Variants in TENM3 observed in about 807,000 individuals in gnomAD.
TENM3 encodes teneurin-3.
In TENM3, 63 loss-of-function variants were observed where a neutral mutation model predicts 255.1. That is an observed-to-expected ratio of 0.25 (90% CI 0.20 to 0.30). The LOEUF (loss-of-function observed/expected upper bound fraction) is 0.30. Among genes scored for constraint, TENM3 ranks in the 10% least tolerant of loss-of-function variants. TENM3 has a pLI of 1.00. For missense variants in TENM3, 2,929 were observed against 3,461.1 expected (o/e 0.85, Z 3.86); for synonymous variants, 1,306 against 1,322.3 (o/e 0.99, Z 0.27).
chr4:181,732,470 C>T, the TENM3 span, among the ~76,000 whole-genome samples: 3 of 151,930 alleles, frequency 2.0e-5, no homozygotes, highest in Admixed American at 6.6e-5. Context: ...AGAATAAAAA[C>T]GTAATGATTA....
chr4:182,397,111 A>G (rs1319251817), intron 3 of TENM3, among the ~76,000 whole-genome samples: 2 of 152,040 alleles, frequency 1.3e-5, no homozygotes, highest in Non-Finnish European at 2.9e-5. Flanking sequence ...TGAATTAGGA[A>G]CAGAAGAGTT....
chr4:181,600,330 T>G, the TENM3 span, among the ~76,000 whole-genome samples: 1 of 152,150 alleles, frequency 6.6e-6, no homozygotes, highest in South Asian at 2.1e-4. Flanking sequence ...AGCAAGAGGA[T>G]AAATGGAGGC....
chr4:182,100,802 TATATACACATATATATACAC>T, the TENM3 span, among the ~76,000 whole-genome samples: 8 of 26,960 alleles, frequency 3.0e-4, 3 homozygotes, highest in Non-Finnish European at 5.7e-4. Flanking sequence ...TATACACATA[TATATACACATATATATACAC>T]ATATATATAT....
chr4:182,628,084 G>C (rs1751001464), intron 4 of TENM3, among the ~76,000 whole-genome samples: 1 of 152,160 alleles, frequency 6.6e-6, no homozygotes, highest in Non-Finnish European at 1.5e-5. Flanking sequence ...GAACTGAGCA[G>C]CTGCCTGTAA....
the TENM3 span, among the ~76,000 whole-genome samples, chr4:181,468,858 C>T: frequency 6.6e-6 from 1 of 152,192 alleles, no homozygotes; most frequent in African/African-American, 2.4e-5. Context: ...CTCACAAATA[C>T]AGTTTCTGGA....
intron 1 of TENM3, among the ~76,000 whole-genome samples, chr4:182,317,360 C>T (rs1338694218): frequency 6.6e-6 from 1 of 152,058 alleles, no homozygotes; most frequent in Non-Finnish European, 1.5e-5. Flanking sequence ...AGTGCAGTGG[C>T]ACTGTCATGG....
At chr4:181,842,392 A>C in the TENM3 span, among the ~76,000 whole-genome samples, 1 of 152,116 alleles carries the variant, frequency 6.6e-6, no homozygotes, top group African/African-American at 2.4e-5. Context: ...CTGCCTGTTT[A>C]ATTCATTCTC....
At chr4:182,153,195 G>A (rs1262166964) in intron 1 of TENM3, among the ~76,000 whole-genome samples, 1 of 151,926 alleles carries the variant, frequency 6.6e-6, no homozygotes, top group Non-Finnish European at 1.5e-5. Flanking sequence ...GAAATTAGAT[G>A]ATCCGATAAT....
chr4:181,674,799 G>T, the TENM3 span, among the ~76,000 whole-genome samples: 1 of 152,100 alleles, frequency 6.6e-6, no homozygotes, highest in African/African-American at 2.4e-5. Context: ...AAAATGTCTT[G>T]CTTTTTTTAA....
chr4:181,882,285 G>C, the TENM3 span, among the ~76,000 whole-genome samples: 15 of 152,158 alleles, frequency 9.9e-5, no homozygotes, highest in African/African-American at 3.6e-4. Flanking sequence ...CCTCTACATG[G>C]GAGCTGGGAA....
chr4:181,563,127 G>C, the TENM3 span, among the ~76,000 whole-genome samples: 5 of 152,200 alleles, frequency 3.3e-5, no homozygotes, highest in Admixed American at 1.3e-4. Flanking sequence ...GGGGAGGGTG[G>C]CTTAAACAGC....
At chr4:181,804,380 T>C in the TENM3 span, among the ~76,000 whole-genome samples, 2 of 152,188 alleles carry the variant, frequency 1.3e-5, no homozygotes, top group African/African-American at 4.8e-5. Flanking sequence ...AGATAAAATA[T>C]AAAATCTGCT....
the TENM3 span, among the ~76,000 whole-genome samples, chr4:182,029,297 G>A: frequency 0.037 from 5,594 of 152,006 alleles, 359 homozygotes; most frequent in African/African-American, 0.13. Context: ...CTCTCACCAG[G>A]CCCCCACCTC....
chr4:182,182,930 C>T (rs2149747415), intron 1 of TENM3, among the ~76,000 whole-genome samples: 1 of 152,158 alleles, frequency 6.6e-6, no homozygotes, highest in South Asian at 2.1e-4. Context: ...CTAAGGAAGA[C>T]CCTGGACAAA....
chr4:182,022,157 A>G, the TENM3 span, among the ~76,000 whole-genome samples: 173 of 129,400 alleles, frequency 1.3e-3, 1 homozygote, highest in African/African-American at 5.2e-3. Flanking sequence ...GTGCCCATCA[A>G]TGGTGGATTG....
chr4:182,481,568 A>G (rs1264403101), intron 3 of TENM3, among the ~76,000 whole-genome samples: 2 of 152,154 alleles, frequency 1.3e-5, no homozygotes, highest in Non-Finnish European at 2.9e-5. Flanking sequence ...GCCGAAGCAG[A>G]CGGATTGCCT....
the TENM3 span, among the ~76,000 whole-genome samples, chr4:181,738,822 A>C: frequency 6.6e-6 from 1 of 151,998 alleles, no homozygotes; most frequent in East Asian, 1.9e-4. Flanking sequence ...TCCCTCCCTT[A>C]ATTTATAAAT....
chr4:181,924,304 C>A, the TENM3 span, among the ~76,000 whole-genome samples: 42 of 152,288 alleles, frequency 2.8e-4, 1 homozygote, highest in South Asian at 6.8e-3. Flanking sequence ...GATGCTCATG[C>A]TGCTGATGGA....
intron 5 of TENM3, among the ~76,000 whole-genome samples, chr4:182,632,014 A>G (rs1217789466): frequency 6.6e-6 from 1 of 152,196 alleles, no homozygotes; most frequent in Non-Finnish European, 1.5e-5. Flanking sequence ...GAGAGTAAAG[A>G]AAGACCTTAA....
Sources: gnomAD v4.1 joint callset for allele counts (sites outside exome capture counted in the v4.1 genomes callset) on GRCh38, gnomAD v4.1.1 for gene constraint, MANE v1.5 for transcripts, NCBI Gene and HGNC (gene_info 2026-07-23, HGNC 2026-07-21) for gene names.